NKAIN3: variants seen among roughly 807,000 people sequenced by gnomAD.
NKAIN3 encodes the protein sodium/potassium-transporting ATPase subunit beta-1-interacting protein 3.
Under a neutral mutation model 30.2 loss-of-function variants are expected in NKAIN3, and 25 were observed. That is an observed-to-expected ratio of 0.83 (90% CI 0.60 to 1.16). NKAIN3 has a LOEUF of 1.16. NKAIN3 is among the 50% of genes most tolerant of loss of function. NKAIN3 has a pLI of 0.00. For missense variants in NKAIN3, 225 were observed against 254.1 expected, an observed-to-expected ratio of 0.89 and a Z score of 0.78; for synonymous variants, 91 against 89.6, an observed-to-expected ratio of 1.02 and a Z score of -0.09.
At chr8:62,679,228 G>A (rs924047541) in intron 3 of NKAIN3, among the ~76,000 whole-genome samples, 25 of 152,164 alleles carry the variant, frequency 1.6e-4, no homozygotes, top group African/African-American at 6.0e-4. Flanking sequence ...CACTAAAAAT[G>A]GGAACCTTGG....
At chr8:62,524,509 G>A (rs1808242796) in intron 1 of NKAIN3, among the ~76,000 whole-genome samples, 1 of 152,072 alleles carries the variant, frequency 6.6e-6, no homozygotes, top group Admixed American at 6.6e-5. Context: ...GTCTGCTGAT[G>A]GCAATCAGCA....
chr8:62,360,711 T>C (rs928036767), intron 1 of NKAIN3, among the ~76,000 whole-genome samples: 2 of 152,066 alleles, frequency 1.3e-5, no homozygotes, highest in Non-Finnish European at 2.9e-5. Context: ...ACTAATATTG[T>C]CAGTGGGGTG....
At chr8:62,715,801 T>C (rs1377349592) in intron 3 of NKAIN3, among the ~76,000 whole-genome samples, 1 of 152,168 alleles carries the variant, frequency 6.6e-6, no homozygotes, top group South Asian at 2.1e-4. Flanking sequence ...AATGGGATAA[T>C]AGGTTTACCC....
chr8:62,497,579 T>A (rs535361496), intron 1 of NKAIN3, among the ~76,000 whole-genome samples: 4 of 152,156 alleles, frequency 2.6e-5, no homozygotes, highest in African/African-American at 9.6e-5. Context: ...TGGTTCCAGG[T>A]GTATTTTCAA....
chr8:62,267,035 A>G (rs1812630582), intron 1 of NKAIN3, among the ~76,000 whole-genome samples: 1 of 152,162 alleles, frequency 6.6e-6, no homozygotes, highest in African/African-American at 2.4e-5. Flanking sequence ...CCCTGGGTGA[A>G]CCCAAAACCT....
chr8:62,678,148 G>A (rs893926136), intron 3 of NKAIN3, among the ~76,000 whole-genome samples: 25 of 152,268 alleles, frequency 1.6e-4, no homozygotes, highest in African/African-American at 5.8e-4. Context: ...ATAAAGGTTA[G>A]GGACCCTAAA....
At chr8:62,931,404 A>G (rs972990286) in intron 5 of NKAIN3, among the ~76,000 whole-genome samples, 15 of 152,230 alleles carry the variant, frequency 9.9e-5, no homozygotes, top group Admixed American at 6.5e-5. Context: ...AAAAGATTTT[A>G]TATACCAAGC....
At chr8:62,607,963 T>A (rs2130173880) in intron 3 of NKAIN3, among the ~76,000 whole-genome samples, 1 of 152,294 alleles carries the variant, frequency 6.6e-6, no homozygotes, top group Non-Finnish European at 1.5e-5. Context: ...ATCTTGCAAA[T>A]CTAATTTTGT....
intron 4 of NKAIN3, among the ~76,000 whole-genome samples, chr8:62,906,915 A>G (rs1415445019): frequency 6.6e-6 from 1 of 152,218 alleles, no homozygotes; most frequent in Non-Finnish European, 1.5e-5. Flanking sequence ...AAGATACCCA[A>G]AGATGTATAA....
chr8:62,931,215 C>T (rs1030184393), intron 5 of NKAIN3, among the ~76,000 whole-genome samples: 7 of 152,074 alleles, frequency 4.6e-5, no homozygotes, highest in Admixed American at 3.3e-4. Context: ...ATAAAATAAG[C>T]TCATTCATAA....
chr8:62,834,262 G>A (rs1285455462), intron 4 of NKAIN3, among the ~76,000 whole-genome samples: 1 of 151,996 alleles, frequency 6.6e-6, no homozygotes, highest in Non-Finnish European at 1.5e-5. Flanking sequence ...TTAAGAACAG[G>A]AAGAAAACAA....
intron 3 of NKAIN3, among the ~76,000 whole-genome samples, chr8:62,625,235 C>T (rs1435540593): frequency 1.3e-5 from 2 of 152,144 alleles, no homozygotes; most frequent in East Asian, 3.9e-4. Context: ...GGTGTAGGAG[C>T]AGGGAAAGAT....
At chr8:62,885,834 AT>A (rs1263204141) in intron 4 of NKAIN3, among the ~76,000 whole-genome samples, 5 of 152,100 alleles carry the variant, frequency 3.3e-5, no homozygotes, top group Admixed American at 6.6e-5. Context: ...AACATGGAAT[AT>A]TTTTTTCCAC....
chr8:62,652,376 A>C (rs867274092), intron 3 of NKAIN3, among the ~76,000 whole-genome samples: 47 of 152,292 alleles, frequency 3.1e-4, no homozygotes, highest in African/African-American at 1.1e-3. Context: ...CCAATTAATA[A>C]ACTATGCAAA....
At chr8:62,265,231 G>C (rs1401197423) in intron 1 of NKAIN3, among the ~76,000 whole-genome samples, 1 of 152,078 alleles carries the variant, frequency 6.6e-6, no homozygotes, top group African/African-American at 2.4e-5. Flanking sequence ...CTACTTCTTT[G>C]CTTTTCTCTT....
intron 4 of NKAIN3, among the ~76,000 whole-genome samples, chr8:62,788,237 G>C (rs1313643316): frequency 2.0e-5 from 3 of 152,174 alleles, no homozygotes; most frequent in African/African-American, 4.8e-5. Context: ...ATTCTAACTG[G>C]TGTGAGATGG....
At chr8:62,731,206 G>A (rs920371448) in intron 3 of NKAIN3, among the ~76,000 whole-genome samples, 2 of 149,464 alleles carry the variant, frequency 1.3e-5, no homozygotes, top group East Asian at 2.0e-4. Context: ...CATTGTTTCC[G>A]AGCCATTTCA....
intron 1 of NKAIN3, among the ~76,000 whole-genome samples, chr8:62,257,270 A>G (rs1461964419): frequency 6.6e-6 from 1 of 152,196 alleles, no homozygotes; most frequent in Non-Finnish European, 1.5e-5. Flanking sequence ...AAGTTCTGCA[A>G]TTCTCATGAC....
intron 1 of NKAIN3, among the ~76,000 whole-genome samples, chr8:62,411,811 A>G (rs778975825): frequency 1.3e-5 from 2 of 152,196 alleles, no homozygotes; most frequent in Non-Finnish European, 1.5e-5. Context: ...CTACAATAGC[A>G]ACAAAGAAAA....
Sources: gnomAD v4.1 joint callset for allele counts (sites outside exome capture counted in the v4.1 genomes callset) on GRCh38, gnomAD v4.1.1 for gene constraint, MANE v1.5 for transcripts, NCBI Gene and HGNC (gene_info 2026-07-23, HGNC 2026-07-21) for gene names.